The following DMXL1 variants were observed in gnomAD, a reference collection of about 807,000 sequenced individuals.
The protein encoded by DMXL1 is dmX-like protein 1.
DMXL1 carries 99 observed loss-of-function variants against 319.2 expected under a neutral mutation model. That is an observed-to-expected ratio of 0.31 (90% confidence interval 0.26 to 0.37). The LOEUF is 0.37. Among genes scored for constraint, DMXL1 ranks in the 10% least tolerant of loss-of-function variants. The pLI, the probability that DMXL1 is intolerant of heterozygous loss-of-function variation, is 1.00. For synonymous variants in DMXL1, 1,385 were observed against 1,235.2 expected (o/e 1.12, Z -2.54); for missense variants, 3,745 against 3,595.6 (o/e 1.04, Z -1.06).
intron 28 of DMXL1, among the ~76,000 whole-genome samples, chr5:119,183,104 A>T (rs1025872860): frequency 1.3e-5 from 2 of 152,198 alleles, no homozygotes; most frequent in Non-Finnish European, 2.9e-5. Flanking sequence ...TGTGGTAAGC[A>T]TGTCATATAT....
At chr5:119,220,879 T>A (rs1312773305) in intron 36 of DMXL1, 61 bp from the exon 37 acceptor site, 23 of 1,571,952 alleles carry the variant, frequency 1.5e-5, no homozygotes, top group Non-Finnish European at 1.9e-5. Context: ...TTTAGACCTT[T>A]CAAGTGTAAA....
intron 9 of DMXL1, chr5:119,128,056 A>G (rs377382487): frequency 1.4e-5 from 6 of 443,898 alleles, no homozygotes; most frequent in African/African-American, 2.1e-5. Flanking sequence ...TCAATTTACT[A>G]TCAGTGTAGT....
chr5:119,185,106 C>A (rs1351438980), intron 28 of DMXL1, among the ~76,000 whole-genome samples: 1 of 152,070 alleles, frequency 6.6e-6, no homozygotes, highest in Admixed American at 6.6e-5. Flanking sequence ...TCTTCCCCTT[C>A]TTTCCTCTGC....
chr5:119,155,009 A>C (rs945527333), intron 19 of DMXL1, among the ~76,000 whole-genome samples: 1 of 152,274 alleles, frequency 6.6e-6, no homozygotes, highest in Non-Finnish European at 1.5e-5. Context: ...CTCTGTTTAT[A>C]GCATAATTTA....
intron 19 of DMXL1, among the ~76,000 whole-genome samples, chr5:119,155,771 G>T (rs963244166): frequency 4.7e-4 from 69 of 147,198 alleles, no homozygotes; most frequent in African/African-American, 1.6e-3. Flanking sequence ...AGACTGCAAC[G>T]AGCTATGATC....
chr5:119,096,889 G>A (rs78990040), intron 1 of DMXL1, among the ~76,000 whole-genome samples: 9,571 of 152,266 alleles, frequency 0.063, 667 homozygotes, highest in East Asian at 0.35. Context: ...TAGAATTGAG[G>A]ACTAGAGTAG....
chr5:119,187,418 G>T (rs112222125), intron 28 of DMXL1, among the ~76,000 whole-genome samples: 1 of 152,074 alleles, frequency 6.6e-6, no homozygotes, highest in African/African-American at 2.4e-5. Context: ...TTTTATCGGT[G>T]CCCCTAAGCT....
intron 10 of DMXL1, among the ~76,000 whole-genome samples, chr5:119,130,973 T>C (rs1384016557): frequency 6.6e-6 from 1 of 152,022 alleles, no homozygotes; most frequent in Admixed American, 6.6e-5. Context: ...CTTTACATCC[T>C]TATCAACATT....
At chr5:119,092,556 T>C (rs926165418) in intron 1 of DMXL1, among the ~76,000 whole-genome samples, 16 of 152,364 alleles carry the variant, frequency 1.1e-4, no homozygotes, top group African/African-American at 3.8e-4. Context: ...TTAGTGGTTT[T>C]AGTGTATTAA....
chr5:119,101,780 A>G (rs1757330661), intron 2 of DMXL1, among the ~76,000 whole-genome samples, 155 bp from the exon 3 acceptor site: 1 of 152,240 alleles, frequency 6.6e-6, no homozygotes. Context: ...ATTCTAATGC[A>G]GATGTGATAG....
chr5:119,194,428 T>C (rs1441358217), intron 30 of DMXL1, among the ~76,000 whole-genome samples: 1 of 152,258 alleles, frequency 6.6e-6, no homozygotes, highest in Non-Finnish European at 1.5e-5. Flanking sequence ...ACACATGTTC[T>C]AAATGCTCAC....
intron 19 of DMXL1, 103 bp from the exon 20 acceptor site, chr5:119,164,402 CAT>C: frequency 9.8e-7 from 1 of 1,020,598 alleles, no homozygotes; most frequent in Non-Finnish European, 1.4e-6. Context: ...CTGTGAGTCT[CAT>C]AGAAGTTTAC....
chr5:119,111,826 A>G (rs182110196), intron 5 of DMXL1, among the ~76,000 whole-genome samples: 98 of 152,348 alleles, frequency 6.4e-4, no homozygotes, highest in Middle Eastern at 3.4e-3. Flanking sequence ...CATATTAAAA[A>G]TAAGTGCAAT....
At position 119,128,879 on chromosome 5, in the gene DMXL1, C is replaced by T. The variant is rs141860843; in HGVS notation, c.1103-332C>T. Among the ~76,000 whole-genome samples, 1,117 of 152,176 alleles carry T rather than the reference C, an allele frequency of 7.3e-3. 17 individuals carry two copies. The highest frequency in any genetic ancestry group is 0.026 in the African/African-American group (1,089 of 41,500). On this transcript the variant is annotated intron_variant, in intron 9 of 43. Coordinates refer to ENST00000539542, the MANE Select transcript of DMXL1 (RefSeq NM_001290321.3). ...GGGAGATCGAGACCATCTTGGCCAG[C>T]GTGGTGAAACCCTGTCTCTACTGAA...
chr5:119,192,727 T>C (rs1778914480), intron 29 of DMXL1, among the ~76,000 whole-genome samples: 1 of 152,196 alleles, frequency 6.6e-6, no homozygotes, highest in South Asian at 2.1e-4. Context: ...TAGCTTTTTT[T>C]CTTAAACTTA....
Position 119,110,017 on chromosome 5 carries a change from TCTC to T in DMXL1, c.365-129_365-127del, listed in dbSNP as rs1270652161. The T allele has an allele frequency of 1.7e-4, 116 of 665,946 alleles. No homozygotes were observed. In the East Asian group the frequency reaches 2.9e-3, roughly 17 times the overall value. The allele number at this position is 665,946 out of a possible 1,614,324, so 41.3% of individuals were successfully genotyped here. A position where few individuals can be genotyped will look rare whatever the true frequency, so the allele number is the denominator to read the frequency against. On this transcript the variant is annotated intron_variant, in intron 4 of 43. Transcript: ENST00000539542. ...TTTTAACGAAATTAAAATACAGCCT[TCTC>T]CTCCGTTCTTCAAAATTTTTTTTGA...
chr5:119,245,747 C>T (rs952841173), intron 43 of DMXL1, among the ~76,000 whole-genome samples: 5 of 151,934 alleles, frequency 3.3e-5, no homozygotes, highest in African/African-American at 4.8e-5. Context: ...GCCATGTTGG[C>T]CAGGATGGTC....
chr5:119,142,935 ATTC>A (rs975412034), intron 13 of DMXL1, among the ~76,000 whole-genome samples: 3 of 152,056 alleles, frequency 2.0e-5, no homozygotes, highest in Non-Finnish European at 4.4e-5. Context: ...TATGGAGGCC[ATTC>A]TTTAAGGAGG....
At chr5:119,220,720 T>C in intron 36 of DMXL1, 127 bp downstream of exon 36, 1 of 1,258,710 alleles carries the variant, frequency 7.9e-7, no homozygotes, top group Non-Finnish European at 1.1e-6. Context: ...GCTGATGTGC[T>C]AAATGAGGGG....
Sources: allele counts gnomAD v4.1 joint callset (sites outside exome capture counted in the v4.1 genomes callset), GRCh38; gene constraint gnomAD v4.1.1; transcripts MANE v1.5; gene names NCBI Gene and HGNC (gene_info 2026-07-23, HGNC 2026-07-21).